Variants in CFAP20DC observed in about 807,000 individuals in gnomAD.
CFAP20DC encodes the protein CFAP20 domain containing, also known as protein CFAP20DC.
A neutral mutation model predicts 101.7 loss-of-function variants in CFAP20DC; 84 were observed. The observed-to-expected ratio is 0.83, with a 90% CI of 0.69 to 0.99. CFAP20DC has a LOEUF of 0.99. CFAP20DC is among the 50% of genes least tolerant of loss of function. CFAP20DC has a pLI of 0.00. For synonymous variants in CFAP20DC, 359 were observed against 351.2 expected (o/e 1.02, Z -0.25); for missense variants, 1,007 against 970.3 (o/e 1.04, Z -0.50).
At chr3:58,891,363 A>G (rs867156018) in intron 6 of CFAP20DC, among the ~76,000 whole-genome samples, 2,205 of 150,108 alleles carry the variant, frequency 0.015, 18 homozygotes, top group Middle Eastern at 0.024. Context: ...AGATGGCAGC[A>G]GTACAGTCCA....
chr3:58,815,021 T>C (rs1161242449), intron 14 of CFAP20DC, among the ~76,000 whole-genome samples: 2 of 151,390 alleles, frequency 1.3e-5, no homozygotes, highest in East Asian at 1.9e-4. Flanking sequence ...AAAGTTCATA[T>C]GGAACCAAAA....
intron 14 of CFAP20DC, among the ~76,000 whole-genome samples, chr3:58,831,370 C>A (rs2076380532): frequency 6.6e-6 from 1 of 152,188 alleles, no homozygotes. Context: ...CTTGTATGTG[C>A]CACAGGGCTT....
chr3:58,820,708 G>A (rs1176367661), intron 14 of CFAP20DC, among the ~76,000 whole-genome samples: 2 of 148,908 alleles, frequency 1.3e-5, no homozygotes, highest in Middle Eastern at 3.3e-3. Context: ...CGTGAAAATG[G>A]CCATACTGCC....
At chr3:59,044,981 A>T (rs1264451577) in intron 3 of CFAP20DC, among the ~76,000 whole-genome samples, 2 of 147,560 alleles carry the variant, frequency 1.4e-5, no homozygotes, top group Non-Finnish European at 3.0e-5. Context: ...AAAACCTCCT[A>T]TTACAGACAC....
chr3:58,984,055 T>A (rs1351105954), intron 4 of CFAP20DC, among the ~76,000 whole-genome samples: 1 of 152,244 alleles, frequency 6.6e-6, no homozygotes, highest in Non-Finnish European at 1.5e-5. Flanking sequence ...TTTCTTTGCC[T>A]GTCATTAATG....
chr3:59,005,811 A>G (rs950047448), intron 4 of CFAP20DC, among the ~76,000 whole-genome samples: 3 of 152,188 alleles, frequency 2.0e-5, no homozygotes, highest in Non-Finnish European at 4.4e-5. Flanking sequence ...AATCAAATTT[A>G]AGTATTGATT....
intron 4 of CFAP20DC, among the ~76,000 whole-genome samples, chr3:58,978,282 C>T (rs1326737349): frequency 6.6e-6 from 1 of 152,178 alleles, no homozygotes; most frequent in Non-Finnish European, 1.5e-5. Flanking sequence ...TACTTCCCAT[C>T]TTCTTTCTAC....
At chr3:58,808,279 G>C (rs1056320969) in intron 14 of CFAP20DC, among the ~76,000 whole-genome samples, 3 of 152,128 alleles carry the variant, frequency 2.0e-5, no homozygotes, top group Admixed American at 6.5e-5. Flanking sequence ...CACCAAAGTT[G>C]AAATGAAGGA....
chr3:58,772,616 T>C (rs999124036), intron 15 of CFAP20DC, among the ~76,000 whole-genome samples: 1 of 152,140 alleles, frequency 6.6e-6, no homozygotes, highest in Admixed American at 6.6e-5. Flanking sequence ...CTCATAAATA[T>C]ATGCAAATGA....
At chr3:59,018,664 G>C (rs2093739168) in intron 4 of CFAP20DC, 1 of 152,124 alleles carries the variant, frequency 6.6e-6, no homozygotes, top group South Asian at 2.1e-4. Context: ...GAAAGACACA[G>C]AAAGGCTGAG....
At chr3:58,973,694 G>A (rs796382399) in intron 4 of CFAP20DC, among the ~76,000 whole-genome samples, 1 of 152,190 alleles carries the variant, frequency 6.6e-6, no homozygotes, top group Non-Finnish European at 1.5e-5. Flanking sequence ...TTAAAATGAA[G>A]AGACTATCAT....
chr3:58,794,950 T>C (rs1485620088), intron 15 of CFAP20DC, among the ~76,000 whole-genome samples: 2 of 152,166 alleles, frequency 1.3e-5, no homozygotes, highest in Non-Finnish European at 2.9e-5. Flanking sequence ...CTGTATTAGA[T>C]TACAAAATGA....
intron 13 of CFAP20DC, among the ~76,000 whole-genome samples, chr3:58,848,566 T>C (rs563152739): frequency 1.3e-5 from 2 of 152,180 alleles, no homozygotes; most frequent in East Asian, 1.9e-4. Flanking sequence ...TCGATGACAC[T>C]GTTTTAATGT....
chr3:59,012,345 T>C (rs2093602592), intron 4 of CFAP20DC, among the ~76,000 whole-genome samples: 1 of 152,072 alleles, frequency 6.6e-6, no homozygotes, highest in Non-Finnish European at 1.5e-5. Context: ...AAGAGTCCAG[T>C]GGTTTTAGAC....
chr3:58,996,088 G>A (rs961008689), intron 4 of CFAP20DC, among the ~76,000 whole-genome samples: 2 of 149,542 alleles, frequency 1.3e-5, no homozygotes, highest in African/African-American at 5.0e-5. Flanking sequence ...AAATTGCTTT[G>A]GTATAAATGA....
chr3:58,848,929 C>T, intron 13 of CFAP20DC, 103 bp downstream of exon 13: 4 of 1,339,270 alleles, frequency 3.0e-6, no homozygotes, highest in Non-Finnish European at 4.0e-6. Context: ...ACACTCATCA[C>T]CCAAATGATG....
intron 4 of CFAP20DC, among the ~76,000 whole-genome samples, chr3:59,008,652 T>C (rs1239116815): frequency 1.3e-5 from 2 of 151,814 alleles, no homozygotes; most frequent in Admixed American, 6.6e-5. Context: ...TAGGTGGGAA[T>C]TGAACAATGA....
rs886175384 is a variant in CFAP20DC at position 58,746,551 on chromosome 3, G to A, written c.2333-3979C>T. ...TTTATCACCCATTTGCAAAGGGATC[G>A]AGGTAGATCCAATTCATTAGTAGAG... On this transcript the variant is annotated intron_variant, in intron 16 of 16. Transcript: ENST00000482387. 5.5e-4 allele frequency among the ~76,000 whole-genome samples: 84 copies of A among 152,106 alleles called. 2 individuals carry two copies. Among genetic ancestry groups the A allele is most frequent in the South Asian group, 4.2e-4 (2 of 4,814 alleles).
At chr3:58,758,686 C>G (rs1043224315) in intron 15 of CFAP20DC, among the ~76,000 whole-genome samples, 1 of 152,124 alleles carries the variant, frequency 6.6e-6, no homozygotes, top group African/African-American at 2.4e-5. Context: ...TATCCCTCCC[C>G]CTTCCCCTCA....
Sources: gnomAD v4.1 joint callset for allele counts (sites outside exome capture counted in the v4.1 genomes callset) on GRCh38, gnomAD v4.1.1 for gene constraint, MANE v1.5 for transcripts, NCBI Gene and HGNC (gene_info 2026-07-23, HGNC 2026-07-21) for gene names.